The following STK32C variants were observed in gnomAD, a reference collection of about 807,000 sequenced individuals.
The protein encoded by STK32C is serine/threonine-protein kinase 32C.
A neutral mutation model predicts 56.5 loss-of-function variants in STK32C; 31 were observed. The observed-to-expected ratio is 0.55, with a 90% CI of 0.41 to 0.74. The LOEUF is 0.74. Among genes scored for constraint, STK32C ranks in the 30% least tolerant of loss-of-function variants. STK32C has a pLI of 0.00. For synonymous variants in STK32C, 309 were observed against 289.4 expected, an observed-to-expected ratio of 1.07 and a Z score of -0.69; for missense variants, 544 against 676.9, an observed-to-expected ratio of 0.80 and a Z score of 2.18.
exon 2 of STK32C, chr10:132,324,043 C>T (rs1311672201): frequency 3.4e-6 from 2 of 593,518 alleles, no homozygotes; most frequent in East Asian, 5.6e-5. Context: ...AATGGCCTAA[C>T]CACACCTTAA....
At chr10:132,246,542 G>C (rs1294427452) in intron 1 of STK32C, among the ~76,000 whole-genome samples, 1 of 152,168 alleles carries the variant, frequency 6.6e-6, no homozygotes, top group Non-Finnish European at 1.5e-5. Flanking sequence ...GTGTAGCCTG[G>C]GAGAGCCTGC....
At chr10:132,214,374 T>C (rs2137592823) in intron 10 of STK32C, among the ~76,000 whole-genome samples, 1 of 152,316 alleles carries the variant, frequency 6.6e-6, no homozygotes, top group South Asian at 2.1e-4. Flanking sequence ...TTTAAAGTGT[T>C]GAAAGTAAAA....
chr10:132,222,810 G>A, intron 9 of STK32C, 38 bp from the exon 10 acceptor site: 2 of 1,593,898 alleles, frequency 1.3e-6, no homozygotes, highest in Admixed American at 1.7e-5. Context: ...GCCCGTGGAG[G>A]ACGCCACATC....
At chr10:132,281,545 AG>A (rs1237555419) in intron 1 of STK32C, among the ~76,000 whole-genome samples, 1 of 152,158 alleles carries the variant, frequency 6.6e-6, no homozygotes, top group Non-Finnish European at 1.5e-5. Context: ...CTTTTTTTAA[AG>A]GAAAAAAACA....
At chr10:132,261,833 T>C (rs1009219029) in intron 1 of STK32C, among the ~76,000 whole-genome samples, 8 of 152,158 alleles carry the variant, frequency 5.3e-5, no homozygotes, top group Admixed American at 1.3e-4. Context: ...TGCTAACAGA[T>C]TGGCAGAATC....
chr10:132,272,216 G>A (rs924785285), intron 1 of STK32C, among the ~76,000 whole-genome samples: 6 of 152,190 alleles, frequency 3.9e-5, no homozygotes, highest in East Asian at 3.9e-4. Context: ...CCACTGGACC[G>A]TGTCCTCACA....
chr10:132,224,377 G>A, intron 8 of STK32C, 30 bp downstream of exon 8: 3 of 1,499,086 alleles, frequency 2.0e-6, no homozygotes, highest in South Asian at 1.2e-5. Context: ...GGTGCTCGGA[G>A]GGTGAGGAGG....
intron 1 of STK32C, among the ~76,000 whole-genome samples, chr10:132,284,579 G>A (rs994006891): frequency 2.6e-5 from 4 of 152,284 alleles, no homozygotes; most frequent in African/African-American, 7.2e-5. Flanking sequence ...CCCCTCAGAC[G>A]AACAGAGCTG....
chr10:132,235,391 G>T (rs1366112994), intron 2 of STK32C, among the ~76,000 whole-genome samples: 4 of 150,116 alleles, frequency 2.7e-5, no homozygotes, highest in Non-Finnish European at 5.9e-5. Flanking sequence ...AGCTTCTCGG[G>T]AGGCTGAGGC....
intron 10 of STK32C, among the ~76,000 whole-genome samples, chr10:132,220,292 G>A (rs2062595384): frequency 6.6e-6 from 1 of 152,240 alleles, no homozygotes; most frequent in African/African-American, 2.4e-5. Flanking sequence ...GGCCAAGGCA[G>A]CCTCTACCGG....
intron 1 of STK32C, among the ~76,000 whole-genome samples, chr10:132,290,071 A>G (rs1042918528): frequency 6.6e-6 from 1 of 152,232 alleles, no homozygotes; most frequent in African/African-American, 2.4e-5. Flanking sequence ...ACACCTGCCA[A>G]AGAGATTCTG....
chr10:132,327,427 T>C (rs1186520073), intron 1 of STK32C, among the ~76,000 whole-genome samples: 1 of 152,060 alleles, frequency 6.6e-6, no homozygotes, highest in African/African-American at 2.4e-5. Flanking sequence ...ACAGAGGCCC[T>C]CCCACAATTC....
intron 10 of STK32C, among the ~76,000 whole-genome samples, chr10:132,214,353 G>A (rs934972194): frequency 1.4e-4 from 21 of 152,086 alleles, no homozygotes; most frequent in African/African-American, 3.1e-4. Context: ...AGAAGAGAGC[G>A]GAGTGAAATA....
intron 8 of STK32C, among the ~76,000 whole-genome samples, chr10:132,223,806 A>G (rs886687312): frequency 2.0e-5 from 3 of 151,930 alleles, no homozygotes; most frequent in African/African-American, 7.3e-5. Flanking sequence ...CTGACTCCGA[A>G]CCCCCTATGG....
chr10:132,261,983 C>T (rs2064319476), intron 1 of STK32C, among the ~76,000 whole-genome samples: 2 of 152,058 alleles, frequency 1.3e-5, no homozygotes, highest in Non-Finnish European at 2.9e-5. Context: ...CTCAAATAGC[C>T]AAAGCGATCC....
chr10:132,287,497 G>C (rs1417952053), intron 1 of STK32C, among the ~76,000 whole-genome samples: 1 of 150,514 alleles, frequency 6.6e-6, no homozygotes, highest in African/African-American at 2.4e-5. Context: ...GTCAAAACAG[G>C]CTAGAGTGCA....
chr10:132,303,331 G>A lies in STK32C; in HGVS notation c.262+4241C>T, dbSNP rs528912593. ...GAAACCACAGAAGCGCTAGAAGAAA[G>A]TACAGATGCAGGTTTATGAATTAAA... is the stretch of plus-strand genomic sequence containing the variant. On this transcript the variant is annotated intron_variant, in intron 1 of 11. Coordinates refer to ENST00000298630, the MANE Select transcript of STK32C (RefSeq NM_173575.4). Among the ~76,000 whole-genome samples the A allele has an allele frequency of 3.3e-5, 5 of 152,370 alleles. No homozygotes were observed. In the South Asian group the frequency reaches 1.0e-3, roughly 32 times the overall value.
intron 2 of STK32C, among the ~76,000 whole-genome samples, chr10:132,245,546 A>G (rs548597787): frequency 6.6e-6 from 1 of 152,326 alleles, no homozygotes; most frequent in South Asian, 2.1e-4. Context: ...CCAGCTGAGG[A>G]TGCACGCTCA....
intron 1 of STK32C, among the ~76,000 whole-genome samples, chr10:132,285,799 T>A (rs2065382903): frequency 6.6e-6 from 1 of 152,132 alleles, no homozygotes; most frequent in African/African-American, 2.4e-5. Context: ...ATGTGAGGAA[T>A]AAAAGGGCGG....
Sources: allele counts gnomAD v4.1 joint callset (sites outside exome capture counted in the v4.1 genomes callset), GRCh38; gene constraint gnomAD v4.1.1; transcripts MANE v1.5; gene names NCBI Gene and HGNC (gene_info 2026-07-23, HGNC 2026-07-21).